KLF9: variants seen among roughly 807,000 people sequenced by gnomAD.
KLF9 encodes KLF transcription factor 9.
Under a neutral mutation model 17.3 loss-of-function variants are expected in KLF9, and 2 were observed. That is an observed-to-expected ratio of 0.12 (90% confidence interval 0.05 to 0.36). The LOEUF (loss-of-function observed/expected upper bound fraction) is 0.36. Among genes scored for constraint, KLF9 ranks in the 10% least tolerant of loss-of-function variants. The pLI is 1.00. For synonymous variants in KLF9, 138 were observed against 139.2 expected (o/e 0.99, Z 0.06); for missense variants, 226 against 333.2 (o/e 0.68, Z 2.51).
At chr9:70,400,618 C>T (rs953960059) in intron 1 of KLF9, among the ~76,000 whole-genome samples, 15 of 152,216 alleles carry the variant, frequency 9.9e-5, no homozygotes, top group African/African-American at 3.4e-4. Context: ...TTAGTCAACA[C>T]GTACTCTACC....
In KLF9 at chr9:70,413,455, GCGGCGCGGCGCGGCA is replaced by G. The variant is rs2037344659; in HGVS notation, c.-107_-93del. The stretch of plus-strand genomic sequence containing the variant: ...CCTGCCCTGGCCTCGGACGACGAGC[GCGGCGCGGCGCGGCA>G]CGGCGCGGCGGCCAAGGGGGCGGGG... On this transcript the variant is annotated 5_prime_UTR_variant, in exon 1 of 2. Transcript: ENST00000377126. This position sits in a 1 kb window ranked among gnomAD's most constrained non-coding sequence, Gnocchi z 5.6. 5.7e-6 allele frequency: 7 copies of G among 1,230,490 alleles called. No individual in the cohort carries two copies. The highest frequency in any genetic ancestry group is 8.5e-5 in the Admixed American group (2 of 23,436). The allele number at this position is 1,230,490 out of a possible 1,614,324, so 76.2% of individuals were successfully genotyped here.
chr9:70,405,788 G>T (rs2037251565), intron 1 of KLF9, among the ~76,000 whole-genome samples: 1 of 152,176 alleles, frequency 6.6e-6, no homozygotes, highest in African/African-American at 2.4e-5. Context: ...ACTCCCTCAG[G>T]GGGGATCACA....
intron 1 of KLF9, among the ~76,000 whole-genome samples, chr9:70,407,236 A>G (rs2037262035): frequency 6.6e-6 from 1 of 152,210 alleles, no homozygotes. Flanking sequence ...CCTTGGGATA[A>G]GCGTCAACAA....
intron 1 of KLF9, among the ~76,000 whole-genome samples, chr9:70,388,960 G>A (rs1241445782): frequency 1.3e-5 from 2 of 152,220 alleles, no homozygotes; most frequent in East Asian, 3.9e-4. Flanking sequence ...GACCAACATG[G>A]TGAAACCCCA....
chr9:70,402,065 AAG>A (rs1312922398), intron 1 of KLF9, among the ~76,000 whole-genome samples: 1 of 152,050 alleles, frequency 6.6e-6, no homozygotes, highest in Non-Finnish European at 1.5e-5. Context: ...AGAAAAGAAA[AAG>A]AAAAAGAAAT....
chr9:70,403,881 A>G (rs1254102399), intron 1 of KLF9, among the ~76,000 whole-genome samples: 1 of 152,208 alleles, frequency 6.6e-6, no homozygotes, highest in Non-Finnish European at 1.5e-5. Context: ...ACCATAAGCC[A>G]GAGTCAGAAC....
In KLF9 at chr9:70,413,288, C is replaced by G; in HGVS notation, c.76G>C (p.Glu26Gln). Residue 26 changes from glutamate to glutamine, a missense_variant, in exon 1 of 2, where the codon GAG (glutamate) becomes CAG (glutamine). Glu to Gln is a conservative substitution (Grantham distance 29). Coordinates refer to ENST00000377126, the MANE Select transcript of KLF9 (RefSeq NM_001206.4). The surrounding 1 kb of genome is among the most constrained non-coding windows in gnomAD (Gnocchi z 5.6). ...VSISNRAAVP[E>Q]HGVAPDAERL... ...TCGGCGTCCGGAGCGACCCCATGCTCCGGCACCGCAGCGCGGTTCGAAATG... is the reference window on the plus strand; with the variant it reads ...TCGGCGTCCGGAGCGACCCCATGCTGCGGCACCGCAGCGCGGTTCGAAATG... 2 of 1,612,054 alleles carry G rather than the reference C, an allele frequency of 1.2e-6. No homozygotes were observed. The highest frequency in any genetic ancestry group is 1.7e-6 in the Non-Finnish European group (2 of 1,179,508).
rs2118903842 is a variant in KLF9 at position 70,386,751 on chromosome 9, TTA to T, written c.*1023_*1024del. 1 of 152,456 alleles carries T rather than the reference TTA, an allele frequency of 6.6e-6. No individual in the cohort carries two copies. The highest frequency in any genetic ancestry group is 2.1e-4 in the South Asian group (1 of 4,828). The allele number at this position is 152,456 out of a possible 1,614,324, so 9.4% of individuals were successfully genotyped here. A position where few individuals can be genotyped will look rare whatever the true frequency, so the allele number is the denominator to read the frequency against. ...AAAAGCATAGGAAAATTTGGAAAAGTTAATAGAGTTAAAATTCTGTTGGTTCT... is the reference window on the plus strand; with the variant it reads ...AAAAGCATAGGAAAATTTGGAAAAGTATAGAGTTAAAATTCTGTTGGTTCT... On this transcript the variant is annotated 3_prime_UTR_variant, in exon 2 of 2. Coordinates refer to ENST00000377126, the MANE Select transcript of KLF9 (RefSeq NM_001206.4).
chr9:70,387,843 C>T lies in KLF9; in HGVS notation c.668G>A (p.Arg223Gln), dbSNP rs2037125008. 6.2e-7 allele frequency: 1 copy of T among 1,613,538 alleles called. No individual in the cohort carries two copies. The highest frequency in any genetic ancestry group is 2.2e-5 in the East Asian group (1 of 44,812). ...MRSDHLTKHA[R>Q]RHTEFHPSMI... ...GCTGGGGTGGAACTCGGTGTGCCGCCGGGCGTGCTTTGTGAGGTGGTCACT... is the reference window on the plus strand; with the variant it reads ...GCTGGGGTGGAACTCGGTGTGCCGCTGGGCGTGCTTTGTGAGGTGGTCACT... Residue 223 changes from arginine (R) to glutamine (Q), a missense_variant, in exon 2 of 2, where the codon CGG becomes CAG. Arg to Gln is a conservative substitution (Grantham distance 43). Transcript: ENST00000377126.
chr9:70,387,869 C>G lies in KLF9; in HGVS notation c.642G>C (p.Arg214Ser). The G allele has an allele frequency of 6.2e-7, 1 of 1,614,086 alleles. No individual in the cohort carries two copies. The highest frequency in any genetic ancestry group is 1.3e-5 in the African/African-American group (1 of 75,014). The change falls in exon 2 of 2, where the codon AGG (arginine) becomes AGC (serine). Residue 214 changes from arginine to serine, a missense_variant. Transcript: ENST00000377126. ...RCPLCEKRFM[R>S]SDHLTKHARR... ...GGGCGTGCTTTGTGAGGTGGTCACT[C>G]CTCATGAAGCGCTTCTCACACAGCG...
At chr9:70,400,855 A>G (rs1288625947) in intron 1 of KLF9, among the ~76,000 whole-genome samples, 1 of 152,162 alleles carries the variant, frequency 6.6e-6, no homozygotes, top group Non-Finnish European at 1.5e-5. Context: ...ACTAAGTCAC[A>G]TGGCTTGATG....
chr9:70,409,713 A>AAAC (rs2037296283), intron 1 of KLF9, among the ~76,000 whole-genome samples: 1 of 152,242 alleles, frequency 6.6e-6, no homozygotes, highest in Non-Finnish European at 1.5e-5. Context: ...AAAAGTCTGG[A>AAAC]AACAGGAAAA....
Position 70,412,947 on chromosome 9 carries a change from G to T in KLF9, c.417C>A (p.Ser139=). 1.9e-6 allele frequency: 3 copies of T among 1,614,090 alleles called. No homozygotes were observed. The highest frequency in any genetic ancestry group is 1.7e-6 in the Non-Finnish European group (2 of 1,179,996). ...TGTAGGGGCACTTGTGCCTCTTTTC[G>T]GAGGCGTGTTTCCCCTTCGCAGCCA... ...PGVAAKGKHA[S]EKRHKCPYSG... Residue 139 remains serine (S), a synonymous_variant, in exon 1 of 2, where the codon TCC becomes TCA. Coordinates refer to ENST00000377126, the MANE Select transcript of KLF9 (RefSeq NM_001206.4).
intron 1 of KLF9, among the ~76,000 whole-genome samples, chr9:70,406,086 T>G (rs1469266072): frequency 6.6e-6 from 1 of 151,882 alleles, no homozygotes; most frequent in African/African-American, 2.4e-5. Flanking sequence ...AAAAGAAAAA[T>G]GTTAACCATA....
chr9:70,412,808 C>G (rs563920916), intron 1 of KLF9, 51 bp downstream of exon 1: 2 of 1,515,200 alleles, frequency 1.3e-6, no homozygotes, highest in Admixed American at 4.4e-5. Context: ...CGCTGCCTGG[C>G]CAAAGGTTAA....
At chr9:70,403,368 C>CAG (rs2118920731) in intron 1 of KLF9, among the ~76,000 whole-genome samples, 1 of 152,264 alleles carries the variant, frequency 6.6e-6, no homozygotes, top group East Asian at 1.9e-4. Context: ...AGTCGTGCCA[C>CAG]AGTGATTCAT....
intron 1 of KLF9, among the ~76,000 whole-genome samples, chr9:70,394,194 G>C (rs2037168386): frequency 6.6e-6 from 1 of 151,726 alleles, no homozygotes; most frequent in Non-Finnish European, 1.5e-5. Context: ...AACCAATCTG[G>C]GCAACACAGT....
At chr9:70,396,766 T>G (rs7024724) in intron 1 of KLF9, among the ~76,000 whole-genome samples, 1 of 152,218 alleles carries the variant, frequency 6.6e-6, no homozygotes, top group African/African-American at 2.4e-5. Context: ...TTTTAAACAG[T>G]GAGTATAAAT....
In KLF9 at chr9:70,385,882, A is replaced by C. The variant is rs2037106811; in HGVS notation, c.*1894T>G. On this transcript the variant is annotated 3_prime_UTR_variant, in exon 2 of 2. Coordinates refer to ENST00000377126, the MANE Select transcript of KLF9 (RefSeq NM_001206.4). ...CCTTTTTATCCCATGGACTGCTCCC[A>C]GTCCCTAATGTTAAAAGCAGTTCTC... The C allele has an allele frequency of 6.6e-6, 1 of 152,204 alleles. No individual in the cohort carries two copies. Among genetic ancestry groups the C allele is most frequent in the Admixed American group, 6.5e-5 (1 of 15,272 alleles). The allele number at this position is 152,204 out of a possible 1,614,324, so 9.4% of individuals were successfully genotyped here. A position where few individuals can be genotyped will look rare whatever the true frequency, so the allele number is the denominator to read the frequency against.
Sources: allele counts gnomAD v4.1 joint callset (sites outside exome capture counted in the v4.1 genomes callset), GRCh38; gene constraint gnomAD v4.1.1; non-coding constraint Gnocchi (gnomAD v3.1); transcripts MANE v1.5; gene names NCBI Gene and HGNC (gene_info 2026-07-23, HGNC 2026-07-21).